TDRD6: variants seen among roughly 807,000 people sequenced by gnomAD.
TDRD6 encodes the protein tudor domain containing 6.
Under a neutral mutation model 157.5 loss-of-function variants are expected in TDRD6, and 186 were observed. The ratio of observed to expected loss-of-function variants is 1.18; its 90% confidence interval spans 1.05 to 1.33. The LOEUF (loss-of-function observed/expected upper bound fraction) is 1.33, where lower values mean the gene tolerates loss of function less well. TDRD6 is among the 40% of genes most tolerant of loss of function. TDRD6 has a pLI of 0.00. For synonymous variants in TDRD6, 1,075 were observed against 945.2 expected, an observed-to-expected ratio of 1.14 and a Z score of -2.52; for missense variants, 3,066 against 2,508.0, an observed-to-expected ratio of 1.22 and a Z score of -4.75.
In TDRD6 at chr6:46,689,128, A is replaced by T; in HGVS notation, c.1000A>T (p.Thr334Ser). Residue 334 changes from threonine (T) to serine (S), a missense_variant, in exon 1 of 4, where the codon ACT becomes TCT. Transcript: ENST00000316081. ...TTGGTACAGAGCACTGTTGCTTGAG[A>T]CTTTTCGGCCCCAGCGCTGTGCCCA... is the stretch of plus-strand genomic sequence containing the variant. ...GHWYRALLLETFRPQRCAQVL... is the reference protein window; with the variant it reads ...GHWYRALLLESFRPQRCAQVL... 1 of 1,614,092 alleles carries T rather than the reference A, an allele frequency of 6.2e-7. No homozygotes were observed. The highest frequency in any genetic ancestry group is 8.5e-7 in the Non-Finnish European group (1 of 1,180,036).
chr6:46,692,442 T>C lies in TDRD6; in HGVS notation c.4314T>C (p.Phe1438=), dbSNP rs1388794883. 6.2e-7 allele frequency: 1 copy of C among 1,613,988 alleles called. No individual in the cohort carries two copies. Among genetic ancestry groups the C allele is most frequent in the East Asian group, 2.2e-5 (1 of 44,896 alleles). Residue 1438 remains phenylalanine, a synonymous_variant, in exon 1 of 4, where the codon TTT becomes TTC. Coordinates refer to ENST00000316081, the MANE Select transcript of TDRD6 (RefSeq NM_001010870.3). ...ATTCTAAGAAAATGATGCATTACTT[T>C]TCCCAACGGACCAGCGAGGCTGCAA... ...NKNSKKMMHY[F]SQRTSEAAIR...
chr6:46,689,948 C>G lies in TDRD6; in HGVS notation c.1820C>G (p.Pro607Arg). The G allele has an allele frequency of 1.9e-6, 3 of 1,614,002 alleles. No homozygotes were observed. Among genetic ancestry groups the G allele is most frequent in the Non-Finnish European group, 2.5e-6 (3 of 1,179,982 alleles). ...AAGTGCACCCTGGCTGATATTTGGC[C>G]TTTGGGAAAAACTTGGAGCCAGGAG... is the stretch of plus-strand genomic sequence containing the variant. ...AVKCTLADIWPLGKTWSQEAV... is the reference protein window; with the variant it reads ...AVKCTLADIWRLGKTWSQEAV... The change falls in exon 1 of 4, where the codon CCT (proline) becomes CGT (arginine). Residue 607 changes from proline to arginine, a missense_variant. Pro to Arg is a moderately radical substitution (Grantham distance 103). Transcript: ENST00000316081.
At chr6:46,700,315 T>G (rs1460195605) in intron 3 of TDRD6, among the ~76,000 whole-genome samples, 1 of 152,132 alleles carries the variant, frequency 6.6e-6, no homozygotes, top group Non-Finnish European at 1.5e-5. Flanking sequence ...ACTCTAAAAA[T>G]TTTGATTTGG....
chr6:46,700,688 G>C (rs778911228), intron 3 of TDRD6, among the ~76,000 whole-genome samples: 4 of 152,008 alleles, frequency 2.6e-5, no homozygotes, highest in African/African-American at 4.8e-5. Context: ...ACAGCCCCTT[G>C]AACAATGATG....
At position 46,690,212 on chromosome 6, in the gene TDRD6, G is replaced by A; in HGVS notation, c.2084G>A (p.Ser695Asn). 2 of 1,613,896 alleles carry A rather than the reference G, an allele frequency of 1.2e-6. No homozygotes were observed. Among genetic ancestry groups the A allele is most frequent in the Admixed American group, 1.7e-5 (1 of 60,024 alleles). Residue 695 changes from serine to asparagine, a missense_variant, in exon 1 of 4, where the codon AGT becomes AAT. Physicochemically the swap from Ser to Asn is conservative, Grantham distance 46 (BLOSUM62 1). Transcript: ENST00000316081. ...GHVSNHFTTESNKIPFAKTGE... is the reference protein window; with the variant it reads ...GHVSNHFTTENNKIPFAKTGE... The stretch of plus-strand genomic sequence containing the variant: ...GTTTCAAACCACTTTACTACGGAGA[G>A]TAACAAAATACCTTTTGCCAAGACT...
rs1259845978 is a variant in TDRD6 at position 46,688,219 on chromosome 6, C to A, written c.91C>A (p.Gln31Lys). ...CGTGCATCCCGATGTGATCCCGGTGCAGCTGTGGGGGCTGGTGGGCGAGCG... is the reference window on the plus strand; with the variant it reads ...CGTGCATCCCGATGTGATCCCGGTGAAGCTGTGGGGGCTGGTGGGCGAGCG... ...VDVHPDVIPV[Q>K]LWGLVGERRG... Residue 31 changes from glutamine to lysine, a missense_variant, in exon 1 of 4, where the codon CAG (glutamine) becomes AAG (lysine). Physicochemically the swap from Gln to Lys is moderately conservative, Grantham distance 53. Transcript: ENST00000316081. 6.5e-7 allele frequency: 1 copy of A among 1,538,668 alleles called. No individual in the cohort carries two copies. Among genetic ancestry groups the A allele is most frequent in the Admixed American group, 2.0e-5 (1 of 50,528 alleles).
rs1174734080 is a variant in TDRD6, at chr6:46,693,577, AAC to A, written c.5453_5454del (p.Thr1818IlefsTer6). 3.7e-6 allele frequency: 6 copies of A among 1,614,108 alleles called. No homozygotes were observed. Among genetic ancestry groups the A allele is most frequent in the Non-Finnish European group, 5.1e-6 (6 of 1,180,046 alleles). On this transcript the variant is annotated frameshift_variant, in exon 1 of 4. Coordinates refer to ENST00000316081, the MANE Select transcript of TDRD6 (RefSeq NM_001010870.3). LOFTEE classifies it high-confidence loss of function. ...TGATAAATACCTGATTACAGGATTT[AAC>A]ACATTACTACCACATGCTAATGAAA... The part of the protein sequence containing the change: ...FDDKYLITGF[N>X]TLLPHANETK...
chr6:46,695,769 C>T, intron 1 of TDRD6, 52 bp from the exon 2 acceptor site: 1 of 1,571,356 alleles, frequency 6.4e-7, no homozygotes, highest in Non-Finnish European at 8.6e-7. Flanking sequence ...GTGTATGTTA[C>T]ATTAAGGAAT....
At chr6:46,698,126 T>C (rs528771585) in intron 3 of TDRD6, 39 bp downstream of exon 3, 18 of 1,411,254 alleles carry the variant, frequency 1.3e-5, no homozygotes, top group African/African-American at 9.9e-5. Context: ...GAGAGCATTG[T>C]TCTTCATTTT....
rs1346554258 is a variant in TDRD6, at chr6:46,690,114, A to G, written c.1986A>G (p.Gln662=). The part of the protein sequence containing the change: ...GEENISKVIA[Q]AGYAKYQEFE... ...AAAACATTAGTAAGGTAATTGCCCAAGCTGGATATGCCAAGTATCAGGAAT... is the reference window on the plus strand; with the variant it reads ...AAAACATTAGTAAGGTAATTGCCCAGGCTGGATATGCCAAGTATCAGGAAT... The change falls in exon 1 of 4, where the codon CAA becomes CAG. Residue 662 remains glutamine, a synonymous_variant. Transcript: ENST00000316081. 4.3e-6 allele frequency: 7 copies of G among 1,613,840 alleles called. No homozygotes were observed. The South Asian group carries it at 7.7e-5, about 18-fold the overall frequency.
upstream of TDRD6, among the ~76,000 whole-genome samples, chr6:46,683,346 T>C (rs1764008004): frequency 6.6e-6 from 1 of 152,016 alleles, no homozygotes; most frequent in South Asian, 2.1e-4. Flanking sequence ...AGAGCCAAAA[T>C]TATAAAACTT....
In TDRD6 at chr6:46,692,309, C is replaced by T. The variant is rs1366394061; in HGVS notation, c.4181C>T (p.Ser1394Phe). The change falls in exon 1 of 4, where the codon TCT (serine) becomes TTT (phenylalanine). Residue 1394 changes from serine (S) to phenylalanine (F), a missense_variant. Coordinates refer to ENST00000316081, the MANE Select transcript of TDRD6 (RefSeq NM_001010870.3). ...CAGTTTATAGATTATGGCAATGTTT[C>T]TGTGGTTCATACTAACAAAATAGGT... is the stretch of plus-strand genomic sequence containing the variant. ...SVQFIDYGNV[S>F]VVHTNKIGRL... 1.2e-6 allele frequency: 2 copies of T among 1,614,162 alleles called. No individual in the cohort carries two copies. Among genetic ancestry groups the T allele is most frequent in the African/African-American group, 1.3e-5 (1 of 75,050 alleles).
Position 46,691,497 on chromosome 6 carries a change from A to T in TDRD6, c.3369A>T (p.Ser1123=), listed in dbSNP as rs539252318. 11 of 1,614,098 alleles carry T rather than the reference A, an allele frequency of 6.8e-6. No homozygotes were observed. In the African/African-American group the frequency reaches 1.5e-4, roughly 22 times the overall value. The change falls in exon 1 of 4, where the codon TCA becomes TCT. Residue 1123 remains serine (S), a synonymous_variant. Coordinates refer to ENST00000316081, the MANE Select transcript of TDRD6 (RefSeq NM_001010870.3). ...VWFQETILDK[S]LKALVVAKDP... Reference sequence around the variant, plus strand: ...TTCAGGAGACTATTTTAGATAAGTCATTGAAGGCTTTAGTTGTAGCAAAAG... The same window carrying T: ...TTCAGGAGACTATTTTAGATAAGTCTTTGAAGGCTTTAGTTGTAGCAAAAG...
the TDRD6 span, among the ~76,000 whole-genome samples, chr6:46,680,505 A>G: frequency 6.6e-6 from 1 of 152,154 alleles, no homozygotes; most frequent in Admixed American, 6.5e-5. Context: ...AATTATTCAG[A>G]CCTTAAAGTA....
Position 46,690,201 on chromosome 6 carries a change from TA to T in TDRD6, c.2074del (p.Thr692LeufsTer32). On this transcript the variant is annotated frameshift_variant, in exon 1 of 4. Transcript: ENST00000316081. LOFTEE classifies it high-confidence loss of function. ...HSPGHVSNHFTTESNKIPFAK... is the reference protein window; with the variant it reads ...HSPGHVSNHFXTESNKIPFAK... ...CCCCAGGGCATGTTTCAAACCACTT[TA>T]CTACGGAGAGTAACAAAATACCTTT... 6.2e-7 allele frequency: 1 copy of T among 1,613,920 alleles called. No homozygotes were observed. The highest frequency in any genetic ancestry group is 8.5e-7 in the Non-Finnish European group (1 of 1,180,018).
chr6:46,694,592 G>A (rs549032702), intron 1 of TDRD6, among the ~76,000 whole-genome samples: 6 of 152,324 alleles, frequency 3.9e-5, no homozygotes, highest in African/African-American at 1.4e-4. Flanking sequence ...AACCTGGAAA[G>A]TGAATCAGAT....
intron 3 of TDRD6, among the ~76,000 whole-genome samples, chr6:46,698,341 T>G (rs1426318532): frequency 6.6e-6 from 1 of 152,132 alleles, no homozygotes; most frequent in Non-Finnish European, 1.5e-5. Flanking sequence ...AAAATACATA[T>G]TAGATGCAGA....
At position 46,689,908 on chromosome 6, in the gene TDRD6, C is replaced by T. The variant is rs1471195432; in HGVS notation, c.1780C>T (p.Pro594Ser). Reference sequence around the variant, plus strand: ...GCTGCTTCCTCAGTTTAGGCAGCTACCAATATTGGCTGTGAAGTGCACCCT... The same window carrying T: ...GCTGCTTCCTCAGTTTAGGCAGCTATCAATATTGGCTGTGAAGTGCACCCT... Reference protein sequence around the residue: ...RMLLPQFRQLPILAVKCTLAD... With the variant: ...RMLLPQFRQLSILAVKCTLAD... Residue 594 changes from proline to serine, a missense_variant, in exon 1 of 4, where the codon CCA (proline) becomes TCA (serine). Physicochemically the swap from Pro to Ser is moderately conservative, Grantham distance 74. Transcript: ENST00000316081. 1 of 1,614,106 alleles carries T rather than the reference C, an allele frequency of 6.2e-7. No homozygotes were observed. The highest frequency in any genetic ancestry group is 8.5e-7 in the Non-Finnish European group (1 of 1,180,032).
rs201257914 is a variant in TDRD6 at position 46,692,147 on chromosome 6, G to A, written c.4019G>A (p.Ser1340Asn). 4.3e-6 allele frequency: 7 copies of A among 1,614,144 alleles called. No individual in the cohort carries two copies. In the East Asian group the frequency reaches 1.6e-4, roughly 36 times the overall value. ...AGTCATCTTTCAGAGAGATTAAACAGTGTTAAAACAAGGCCCGAATATTAT... is the reference window on the plus strand; with the variant it reads ...AGTCATCTTTCAGAGAGATTAAACAATGTTAAAACAAGGCCCGAATATTAT... Reference protein sequence around the residue: ...EISHLSERLNSVKTRPEYYVG... With the variant: ...EISHLSERLNNVKTRPEYYVG... Residue 1340 changes from serine to asparagine, a missense_variant, in exon 1 of 4, where the codon AGT becomes AAT. By Grantham distance (46) the Ser-to-Asn change is conservative (BLOSUM62 1). Transcript: ENST00000316081.
Sources: gnomAD v4.1 joint callset for allele counts (sites outside exome capture counted in the v4.1 genomes callset) on GRCh38, gnomAD v4.1.1 for gene constraint, MANE v1.5 for transcripts, NCBI Gene and HGNC (gene_info 2026-07-23, HGNC 2026-07-21) for gene names.